The following ANTXR1 variants were observed in gnomAD, a reference collection of about 807,000 sequenced individuals.
ANTXR1 encodes anthrax toxin receptor 1.
A neutral mutation model predicts 78.1 loss-of-function variants in ANTXR1; 19 were observed. That is an observed-to-expected ratio of 0.24 (90% CI 0.17 to 0.36). ANTXR1 has a LOEUF of 0.36. ANTXR1 is among the 10% of genes least tolerant of loss of function. ANTXR1 has a pLI of 1.00. For missense variants in ANTXR1, 518 were observed against 718.6 expected (o/e 0.72, Z 3.19); for synonymous variants, 273 against 260.5 (o/e 1.05, Z -0.46).
intron 17 of ANTXR1, among the ~76,000 whole-genome samples, chr2:69,244,594 T>C (rs974846493): frequency 1.3e-5 from 2 of 152,214 alleles, no homozygotes; most frequent in Non-Finnish European, 2.9e-5. Context: ...GGTAAATGCA[T>C]CAGGGCCTCC....
At chr2:69,126,546 C>G (rs948234469) in intron 12 of ANTXR1, among the ~76,000 whole-genome samples, 1 of 152,030 alleles carries the variant, frequency 6.6e-6, no homozygotes, top group Non-Finnish European at 1.5e-5. Context: ...CAGATTCCTG[C>G]CAGCTTTTGA....
In ANTXR1 at chr2:69,013,791, G is replaced by A. The variant is rs1322390115; in HGVS notation, c.152+140G>A. The A allele has an allele frequency of 4.3e-6, 6 of 1,405,386 alleles. No individual in the cohort carries two copies. In the East Asian group the frequency reaches 1.0e-4, roughly 23 times the overall value. The allele number at this position is 1,405,386 out of a possible 1,614,324, so 87.1% of individuals were successfully genotyped here. ...CAGAGGGACCGCGCGGCAGGCGGCG[G>A]CGGAGTGCTGCGCCTTTGTTGGGGC... On this transcript the variant is annotated intron_variant, in intron 1 of 17. Coordinates refer to ENST00000303714, the MANE Select transcript of ANTXR1 (RefSeq NM_032208.3). This position sits in a 1 kb window ranked among gnomAD's most constrained non-coding sequence, Gnocchi z 5.0.
intron 3 of ANTXR1, among the ~76,000 whole-genome samples, chr2:69,068,370 G>C (rs1670465708): frequency 6.6e-6 from 1 of 152,220 alleles, no homozygotes; most frequent in Non-Finnish European, 1.5e-5. Context: ...AAGTCTAATA[G>C]AGGAAGACAA....
At chr2:69,152,060 T>G in intron 12 of ANTXR1, 109 bp from the exon 13 acceptor site, 1 of 1,107,666 alleles carries the variant, frequency 9.0e-7, no homozygotes, top group South Asian at 1.3e-5. Context: ...CTTGGCAAAC[T>G]GTGCTGCTCT....
At chr2:69,155,859 C>A (rs1281245103) in intron 13 of ANTXR1, among the ~76,000 whole-genome samples, 1 of 152,178 alleles carries the variant, frequency 6.6e-6, no homozygotes, top group Non-Finnish European at 1.5e-5. Flanking sequence ...TAGCAAGACA[C>A]TGGAGGATTC....
chr2:69,104,993 G>A (rs577732424), intron 10 of ANTXR1, among the ~76,000 whole-genome samples: 2 of 152,344 alleles, frequency 1.3e-5, no homozygotes, highest in East Asian at 3.9e-4. Flanking sequence ...GCCTGAGGCT[G>A]AAGGATCACT....
chr2:69,123,698 A>C (rs1057307660), intron 11 of ANTXR1, among the ~76,000 whole-genome samples: 3 of 152,206 alleles, frequency 2.0e-5, no homozygotes, highest in East Asian at 3.8e-4. Context: ...TGGTGATGCA[A>C]TTATAATAAG....
In ANTXR1 at chr2:69,013,716, C is replaced by T. The variant is rs1670938359; in HGVS notation, c.152+65C>T. On this transcript the variant is annotated intron_variant, in intron 1 of 17. Coordinates refer to ENST00000303714, the MANE Select transcript of ANTXR1 (RefSeq NM_032208.3). The surrounding 1 kb of genome is among the most constrained non-coding windows in gnomAD (Gnocchi z 5.0). ...GGGCGAAAACGCTTTCGCCCCGGGC[C>T]GGGCTCGTTGGCAGGGTCGCCTGGG... is the stretch of plus-strand genomic sequence containing the variant. The T allele has an allele frequency of 2.6e-6, 4 of 1,550,592 alleles. No individual in the cohort carries two copies. The highest frequency in any genetic ancestry group is 2.6e-6 in the Non-Finnish European group (3 of 1,146,430).
Position 69,196,051 on chromosome 2 carries a change from G to A in ANTXR1, c.1434+2636G>A, listed in dbSNP as rs554333210. 1.9e-4 allele frequency among the ~76,000 whole-genome samples: 29 copies of A among 152,250 alleles called. No homozygotes were observed. The South Asian group carries it at 5.6e-3, about 29-fold the overall frequency. On this transcript the variant is annotated intron_variant, in intron 17 of 17. Coordinates refer to ENST00000303714, the MANE Select transcript of ANTXR1 (RefSeq NM_032208.3). Reference sequence around the variant, plus strand: ...AATGCTGTTTGGGAGCAAAATGCTGGTTATATAAATCCAAGAACAATGGAA... The same window carrying A: ...AATGCTGTTTGGGAGCAAAATGCTGATTATATAAATCCAAGAACAATGGAA...
At chr2:69,062,681 C>A (rs1411196917) in intron 3 of ANTXR1, among the ~76,000 whole-genome samples, 2 of 152,022 alleles carry the variant, frequency 1.3e-5, no homozygotes, top group East Asian at 1.9e-4. Context: ...GAAATGTAAA[C>A]TGTTATGAAA....
At position 69,113,506 on chromosome 2, in the gene ANTXR1, A is replaced by G. The variant is rs184151009; in HGVS notation, c.803-9511A>G. Among the ~76,000 whole-genome samples, 858 of 152,326 alleles carry G rather than the reference A, an allele frequency of 5.6e-3. 3 individuals are homozygous for G. Among genetic ancestry groups the G allele is most frequent in the Non-Finnish European group, 8.2e-3 (557 of 68,028 alleles). ...AGTGCTCCTGGTGGCTCTGTCCCCC[A>G]TGCCATTCAGCTCTGGCAGCCAGCA... is the stretch of plus-strand genomic sequence containing the variant. On this transcript the variant is annotated intron_variant, in intron 10 of 17. Transcript: ENST00000303714.
At chr2:69,116,422 T>C (rs1672145566) in intron 10 of ANTXR1, among the ~76,000 whole-genome samples, 1 of 152,270 alleles carries the variant, frequency 6.6e-6, no homozygotes, top group Non-Finnish European at 1.5e-5. Flanking sequence ...CTAACTTTTT[T>C]CAGGCTGGTT....
chr2:69,235,669 AAAAAG>A (rs1675743270), intron 17 of ANTXR1, among the ~76,000 whole-genome samples: 1 of 150,738 alleles, frequency 6.6e-6, no homozygotes, highest in Non-Finnish European at 1.5e-5. Flanking sequence ...AAAAAAAAAA[AAAAAG>A]AATAGACTCT....
intron 1 of ANTXR1, among the ~76,000 whole-genome samples, chr2:69,018,220 T>C (rs78505008): frequency 3.6e-3 from 542 of 152,274 alleles, no homozygotes; most frequent in African/African-American, 0.012. Flanking sequence ...AGGCTCACCA[T>C]GTGCTCCTTC....
chr2:69,059,230 A>G (rs1670158157), intron 3 of ANTXR1, among the ~76,000 whole-genome samples: 1 of 152,226 alleles, frequency 6.6e-6, no homozygotes, highest in Non-Finnish European at 1.5e-5. Context: ...GTAAAATGCT[A>G]TCAAAGAGCA....
intron 10 of ANTXR1, among the ~76,000 whole-genome samples, chr2:69,121,005 C>T (rs143603000): frequency 1.5e-3 from 221 of 152,290 alleles, no homozygotes; most frequent in African/African-American, 4.9e-3. Flanking sequence ...CTTCTTGCCC[C>T]GGGATCTTTG....
chr2:69,122,947 C>T (rs1286414699), intron 10 of ANTXR1, 70 bp from the exon 11 acceptor site: 55 of 1,526,670 alleles, frequency 3.6e-5, no homozygotes, highest in Non-Finnish European at 4.5e-5. Flanking sequence ...TTGATGTTCT[C>T]TAGAAGTCAT....
intron 14 of ANTXR1, among the ~76,000 whole-genome samples, chr2:69,177,801 C>CT (rs1344145839): frequency 6.6e-6 from 1 of 152,096 alleles, no homozygotes; most frequent in Non-Finnish European, 1.5e-5. Context: ...TAAAGGGACT[C>CT]TTATTTACCA....
chr2:69,179,734 C>T (rs1226628940), intron 14 of ANTXR1, among the ~76,000 whole-genome samples: 1 of 152,104 alleles, frequency 6.6e-6, no homozygotes. Context: ...AGTCATTTAA[C>T]GTCTCTATTC....
Sources: gnomAD v4.1 joint callset for allele counts (sites outside exome capture counted in the v4.1 genomes callset) on GRCh38, gnomAD v4.1.1 for gene constraint, Gnocchi (gnomAD v3.1) non-coding constraint, MANE v1.5 for transcripts, NCBI Gene and HGNC (gene_info 2026-07-23, HGNC 2026-07-21) for gene names.